The following PSMB2 variants were observed in gnomAD, a reference collection of about 807,000 sequenced individuals.
PSMB2 encodes proteasome 20S subunit beta 2.
A neutral mutation model predicts 25.7 loss-of-function variants in PSMB2; 13 were observed. That is an observed-to-expected ratio of 0.51 (90% CI 0.33 to 0.80). The LOEUF (loss-of-function observed/expected upper bound fraction) is 0.80, where lower values mean the gene tolerates loss of function less well. Among genes scored for constraint, PSMB2 ranks in the 30% least tolerant of loss-of-function variants. The probability of loss-of-function intolerance (pLI) is 0.02; values close to 1 mark genes in which losing one functional copy is unlikely to be tolerated. For synonymous variants in PSMB2, 87 were observed against 96.2 expected, an observed-to-expected ratio of 0.90 and a Z score of 0.56; for missense variants, 202 against 259.0, an observed-to-expected ratio of 0.78 and a Z score of 1.51.
intron 3 of PSMB2, among the ~76,000 whole-genome samples, chr1:35,626,862 T>C (rs764462221): frequency 2.0e-5 from 3 of 152,212 alleles, no homozygotes; most frequent in African/African-American, 4.8e-5. Flanking sequence ...GTTGTGGCTA[T>C]TGGGTACCTG....
intron 3 of PSMB2, 116 bp from the exon 4 acceptor site, chr1:35,609,524 GTAAATC>G (rs1367962538): frequency 1.0e-6 from 1 of 971,154 alleles, no homozygotes; most frequent in Admixed American, 3.5e-5. Context: ...CAGCAACTGA[GTAAATC>G]ACAATGAAAG....
chr1:35,626,950 A>G (rs151080294), intron 3 of PSMB2, among the ~76,000 whole-genome samples: 318 of 152,310 alleles, frequency 2.1e-3, no homozygotes, highest in Non-Finnish European at 3.5e-3. Context: ...AAAGTCTACC[A>G]GGAGATTTTC....
At position 35,641,483 on chromosome 1, in the gene PSMB2, G is replaced by A; in HGVS notation, c.-51C>T. The A allele has an allele frequency of 6.2e-7, 1 of 1,611,788 alleles. No individual in the cohort carries two copies. Among genetic ancestry groups the A allele is most frequent in the Non-Finnish European group, 8.5e-7 (1 of 1,178,888 alleles). On this transcript the variant is annotated 5_prime_UTR_variant, in exon 1 of 6. Coordinates refer to ENST00000373237, the MANE Select transcript of PSMB2 (RefSeq NM_002794.5). ...GTCCGACACAGCACGAGACTCGCCC[G>A]CTTCCAGGTCTCACCGGTGAGACAG...
At chr1:35,621,057 T>C (rs1650667452) in intron 3 of PSMB2, among the ~76,000 whole-genome samples, 1 of 152,160 alleles carries the variant, frequency 6.6e-6, no homozygotes, top group Admixed American at 6.5e-5. Flanking sequence ...AGCCCTATTT[T>C]GTACACAGTA....
Position 35,602,116 on chromosome 1 carries a change from AG to A in PSMB2, c.*1150del, listed in dbSNP as rs1650020044. On this transcript the variant is annotated 3_prime_UTR_variant, in exon 6 of 6. Coordinates refer to ENST00000373237, the MANE Select transcript of PSMB2 (RefSeq NM_002794.5). Reference sequence around the variant, plus strand: ...GAAGCCAAGGCAGGCAGACTGCTTGAGCCCAGGAGTTCAAGACCAACCTGAA... The same window carrying A: ...GAAGCCAAGGCAGGCAGACTGCTTGACCCAGGAGTTCAAGACCAACCTGAA... 4.7e-6 allele frequency: 1 copy of A among 211,442 alleles called. No homozygotes were observed. The highest frequency in any genetic ancestry group is 6.5e-5 in the Admixed American group (1 of 15,352). 13.1% of individuals were successfully genotyped at this position (211,442 alleles called of 1,614,324 possible).
intron 1 of PSMB2, 128 bp downstream of exon 1, chr1:35,641,214 T>A (rs1651385885): frequency 8.5e-7 from 1 of 1,178,662 alleles, no homozygotes; most frequent in African/African-American, 1.6e-5. Context: ...ATAAATAAAA[T>A]AAGTACGGGC....
In PSMB2 at chr1:35,601,993, A is replaced by T. The variant is rs1650015671; in HGVS notation, c.*1274T>A. On this transcript the variant is annotated 3_prime_UTR_variant, in exon 6 of 6. Coordinates refer to ENST00000373237, the MANE Select transcript of PSMB2 (RefSeq NM_002794.5). ...ATATCTATATGTATTGATATAAAAC[A>T]ATCTCTAATATAGTGTTAAGTGAAA... 1 of 840,076 alleles carries T rather than the reference A, an allele frequency of 1.2e-6. No individual in the cohort carries two copies. The highest frequency in any genetic ancestry group is 1.8e-5 in the African/African-American group (1 of 54,184). The allele number at this position is 840,076 out of a possible 1,614,324, so 52.0% of individuals were successfully genotyped here.
intron 3 of PSMB2, among the ~76,000 whole-genome samples, chr1:35,623,947 T>C (rs2148571645): frequency 6.6e-6 from 1 of 152,336 alleles, no homozygotes; most frequent in East Asian, 1.9e-4. Flanking sequence ...GATGATGCCT[T>C]TGTGCCAGCC....
At chr1:35,628,181 G>A (rs569936610) in intron 3 of PSMB2, among the ~76,000 whole-genome samples, 4 of 152,158 alleles carry the variant, frequency 2.6e-5, no homozygotes, top group Middle Eastern at 6.8e-3. Context: ...TGGACCTACT[G>A]GAAAAGCTCA....
At chr1:35,640,094 A>ACTATACTATACTAT (rs1651353895) in intron 1 of PSMB2, among the ~76,000 whole-genome samples, 2 of 151,702 alleles carry the variant, frequency 1.3e-5, no homozygotes, top group Admixed American at 6.6e-5. Context: ...ACTATACTAT[A>ACTATACTATACTAT]CTATACTATC....
In PSMB2 at chr1:35,600,690, T is replaced by C; in HGVS notation, c.*2577A>G. On this transcript the variant is annotated 3_prime_UTR_variant, in exon 6 of 6. Coordinates refer to ENST00000373237, the MANE Select transcript of PSMB2 (RefSeq NM_002794.5). Reference sequence around the variant, plus strand: ...GGAGGGTGAGCTATCTAGGAATGAGTTGATTTGGAGCTCAGGAAAGAGATC... The same window carrying C: ...GGAGGGTGAGCTATCTAGGAATGAGCTGATTTGGAGCTCAGGAAAGAGATC... The C allele has an allele frequency of 1.0e-6, 1 of 985,206 alleles. No homozygotes were observed. Among genetic ancestry groups the C allele is most frequent in the Non-Finnish European group, 1.2e-6 (1 of 829,880 alleles). The allele number at this position is 985,206 out of a possible 1,614,324, so 61.0% of individuals were successfully genotyped here.
chr1:35,617,672 A>G (rs1472691904), intron 3 of PSMB2, among the ~76,000 whole-genome samples: 1 of 152,220 alleles, frequency 6.6e-6, no homozygotes, highest in Non-Finnish European at 1.5e-5. Context: ...GAAGGACTCC[A>G]GATAGAGGAA....
chr1:35,634,740 G>T (rs1476099966), intron 2 of PSMB2, among the ~76,000 whole-genome samples: 1 of 150,936 alleles, frequency 6.6e-6, no homozygotes, highest in Non-Finnish European at 1.5e-5. Context: ...TAAAAAGTCT[G>T]ATACTACCAT....
At position 35,628,633 on chromosome 1, in the gene PSMB2, T is replaced by A. The variant is rs866350471; in HGVS notation, c.285+2641A>T. Among the ~76,000 whole-genome samples the A allele has an allele frequency of 2.5e-3, 118 of 46,730 alleles. 1 individual carries two copies. Among genetic ancestry groups the A allele is most frequent in the African/African-American group, 7.7e-3 (93 of 12,042 alleles). 30.7% of individuals were successfully genotyped at this position (46,730 alleles called of 152,430 possible). The stretch of plus-strand genomic sequence containing the variant: ...TATATATATATATATATATATATAT[T>A]TTTTTTTTTTTTTTTAAAGAAAAGA... On this transcript the variant is annotated intron_variant, in intron 3 of 5. Transcript: ENST00000373237.
rs112770603 is a variant in PSMB2, at chr1:35,618,216, A to G, written c.286-8808T>C. 1.9e-3 allele frequency among the ~76,000 whole-genome samples: 284 copies of G among 152,330 alleles called. 4 individuals are homozygous for G. The highest frequency in any genetic ancestry group is 6.3e-3 in the African/African-American group (263 of 41,570). On this transcript the variant is annotated intron_variant, in intron 3 of 5. Coordinates refer to ENST00000373237, the MANE Select transcript of PSMB2 (RefSeq NM_002794.5). The stretch of plus-strand genomic sequence containing the variant: ...TAGAAGGTAGAAATGATGGAACTTC[A>G]TAACAGTAGAAGAGGTGAGGGAGAA...
intron 2 of PSMB2, among the ~76,000 whole-genome samples, chr1:35,632,872 C>T (rs112351233): frequency 0.02 from 3,058 of 151,780 alleles, 89 homozygotes; most frequent in East Asian, 0.059. Context: ...CCAGCCCAGG[C>T]GACAGGAGTG....
At chr1:35,636,060 T>C (rs1056980226) in intron 2 of PSMB2, among the ~76,000 whole-genome samples, 2 of 152,188 alleles carry the variant, frequency 1.3e-5, no homozygotes, top group Non-Finnish European at 2.9e-5. Context: ...ATGACTGGTA[T>C]TCTTAGAAGA....
At chr1:35,630,804 C>T (rs1651067758) in intron 3 of PSMB2, among the ~76,000 whole-genome samples, 1 of 152,202 alleles carries the variant, frequency 6.6e-6, no homozygotes, top group African/African-American at 2.4e-5. Flanking sequence ...ACATCCACAA[C>T]AGCAAAAGTA....
Position 35,600,930 on chromosome 1 carries a change from T to C in PSMB2, c.*2337A>G. ...GTTTACCTATATTACTTCATGGAAT[T>C]CTCATATCTACCACATAGAATAGGT... On this transcript the variant is annotated 3_prime_UTR_variant, in exon 6 of 6. Coordinates refer to ENST00000373237, the MANE Select transcript of PSMB2 (RefSeq NM_002794.5). 1 of 984,846 alleles carries C rather than the reference T, an allele frequency of 1.0e-6. No homozygotes were observed. Among genetic ancestry groups the C allele is most frequent in the Non-Finnish European group, 1.2e-6 (1 of 829,408 alleles). 61.0% of individuals were successfully genotyped at this position (984,846 alleles called of 1,614,324 possible).
Sources: allele counts gnomAD v4.1 joint callset (sites outside exome capture counted in the v4.1 genomes callset), GRCh38; gene constraint gnomAD v4.1.1; transcripts MANE v1.5; gene names NCBI Gene and HGNC (gene_info 2026-07-23, HGNC 2026-07-21).